The following CCDC171 variants were observed in gnomAD, a reference collection of about 807,000 sequenced individuals.
The protein encoded by CCDC171 is coiled-coil domain-containing protein 171.
CCDC171 carries 177 observed loss-of-function variants against 168.2 expected under a neutral mutation model. That is an observed-to-expected ratio of 1.05 (90% CI 0.93 to 1.19). The LOEUF is 1.19. Ranked by LOEUF, CCDC171 falls within the 50% of genes most tolerant of loss-of-function variation. CCDC171 has a pLI of 0.00. For missense variants in CCDC171, 1,991 were observed against 1,539.0 expected (o/e 1.29, Z -4.91); for synonymous variants, 687 against 540.8 (o/e 1.27, Z -3.75).
chr9:15,942,184 G>A (rs1827807601), intron 25 of CCDC171, among the ~76,000 whole-genome samples: 1 of 151,886 alleles, frequency 6.6e-6, no homozygotes, highest in South Asian at 2.1e-4. Context: ...GTGAGTAGGA[G>A]ATTGCTCTAT....
intron 23 of CCDC171, among the ~76,000 whole-genome samples, chr9:15,866,989 G>GC (rs780377302): frequency 2.0e-5 from 3 of 151,982 alleles, no homozygotes; most frequent in Non-Finnish European, 4.4e-5. Context: ...ATGGTCACCT[G>GC]CTTTGTTTAT....
chr9:15,794,535 C>G (rs2058454697), intron 21 of CCDC171, among the ~76,000 whole-genome samples: 1 of 143,110 alleles, frequency 7.0e-6, no homozygotes, highest in African/African-American at 2.6e-5. Flanking sequence ...ACAGTTTATG[C>G]ATCTATTTAG....
upstream of CCDC171, among the ~76,000 whole-genome samples, chr9:16,040,600 T>A (rs1833556939): frequency 6.6e-6 from 1 of 152,246 alleles, no homozygotes; most frequent in African/African-American, 2.4e-5. Context: ...TGTTTGCAGT[T>A]GTAAAGTGCA....
intron 6 of CCDC171, among the ~76,000 whole-genome samples, chr9:16,030,406 T>C (rs371778107): frequency 6.6e-6 from 1 of 152,236 alleles, no homozygotes; most frequent in Non-Finnish European, 1.5e-5. Flanking sequence ...TGTTTAGATA[T>C]AAAAATGTGT....
intron 24 of CCDC171, chr9:15,875,484 A>G (rs533752140): frequency 6.6e-6 from 1 of 151,984 alleles, no homozygotes; most frequent in African/African-American, 2.4e-5. Context: ...AAAGAAAACT[A>G]TCAACATTAT....
At chr9:15,948,819 T>C (rs1166256275) in intron 25 of CCDC171, among the ~76,000 whole-genome samples, 1 of 151,474 alleles carries the variant, frequency 6.6e-6, no homozygotes, top group East Asian at 1.9e-4. Flanking sequence ...AGAAGCTCTT[T>C]AGTTTAATTA....
Position 15,938,713 on chromosome 9 carries a change from A to G in CCDC171, c.3753+18291A>G, listed in dbSNP as rs560266162. 2.0e-5 allele frequency among the ~76,000 whole-genome samples: 3 copies of G among 151,958 alleles called. No homozygotes were observed. In the South Asian group the frequency reaches 6.2e-4, roughly 32 times the overall value. ...TTGGCTTAGGGCATACTTTGATAGA[A>G]TCTGAATTCAGCTTATTCTTTTGGA... On this transcript the variant is annotated intron_variant, in intron 25 of 25. Transcript: ENST00000380701.
downstream of CCDC171, among the ~76,000 whole-genome samples, chr9:16,065,809 G>GGTGTGCATGGTGTGTGTGTGT (rs373145926): frequency 2.2e-4 from 32 of 144,332 alleles, no homozygotes; most frequent in African/African-American, 7.1e-4. Context: ...TTGTGTGCAT[G>GGTGTGCATGGTGTGTGTGTGT]GTGTGTGTGT....
intron 3 of CCDC171, among the ~76,000 whole-genome samples, chr9:16,011,671 A>G (rs16933937): frequency 1.5e-4 from 23 of 152,302 alleles, no homozygotes; most frequent in Non-Finnish European, 2.9e-4. Flanking sequence ...CCATACAGTC[A>G]TTCAGCATTT....
At position 15,821,255 on chromosome 9, in the gene CCDC171, C is replaced by G. The variant is rs558451363; in HGVS notation, c.3268-25447C>G. Among the ~76,000 whole-genome samples the G allele has an allele frequency of 2.1e-4, 25 of 117,464 alleles. 9 individuals are homozygous for G. The highest frequency in any genetic ancestry group is 2.0e-3 in the Admixed American group (25 of 12,410). 77.1% of individuals were successfully genotyped at this position (117,464 alleles called of 152,430 possible). On this transcript the variant is annotated intron_variant, in intron 21 of 25. Coordinates refer to ENST00000380701, the MANE Select transcript of CCDC171 (RefSeq NM_173550.4). The stretch of plus-strand genomic sequence containing the variant: ...ATACTGAATGGACAAAAACTGGAAG[C>G]ATTCCCTTTGAAAACTGGCACAAGA...
chr9:15,597,575 A>C (rs936046020), intron 6 of CCDC171, among the ~76,000 whole-genome samples: 1 of 152,038 alleles, frequency 6.6e-6, no homozygotes, highest in African/African-American at 2.4e-5. Flanking sequence ...TTTTGCATTG[A>C]TGTTCATCAG....
intron 25 of CCDC171, among the ~76,000 whole-genome samples, chr9:15,943,859 G>A (rs530638791): frequency 2.0e-5 from 3 of 152,022 alleles, no homozygotes; most frequent in African/African-American, 7.2e-5. Flanking sequence ...TGCTCATGGG[G>A]TTTGAAAAGA....
intron 9 of CCDC171, among the ~76,000 whole-genome samples, chr9:15,676,542 A>G: frequency 6.6e-6 from 1 of 151,738 alleles, no homozygotes; most frequent in Non-Finnish European, 1.5e-5. Context: ...CGAGCTGGAC[A>G]AGTTGTTTTT....
chr9:16,090,415 AG>A, the CCDC171 span, among the ~76,000 whole-genome samples: 1 of 151,838 alleles, frequency 6.6e-6, no homozygotes, highest in Non-Finnish European at 1.5e-5. Context: ...GGGGCCTGTT[AG>A]GGGGTGGGGG....
intron 11 of CCDC171, among the ~76,000 whole-genome samples, chr9:15,711,280 C>T (rs1486548780): frequency 1.3e-5 from 2 of 152,154 alleles, no homozygotes; most frequent in East Asian, 3.8e-4. Context: ...CTCTGATTTT[C>T]TTTAAAATTG....
chr9:15,718,522 TACTC>T (rs1349476998), intron 11 of CCDC171, among the ~76,000 whole-genome samples: 1 of 152,232 alleles, frequency 6.6e-6, no homozygotes, highest in African/African-American at 2.4e-5. Flanking sequence ...TCTTGGGTGA[TACTC>T]AGTGCTGTGC....
chr9:15,862,132 A>G (rs2061586641), intron 23 of CCDC171, among the ~76,000 whole-genome samples: 1 of 151,832 alleles, frequency 6.6e-6, no homozygotes, highest in African/African-American at 2.4e-5. Context: ...CTTGTTTGTA[A>G]TGAGTCATTT....
downstream of CCDC171, among the ~76,000 whole-genome samples, chr9:16,066,328 A>G (rs1419083388): frequency 1.3e-5 from 2 of 152,190 alleles, no homozygotes; most frequent in Admixed American, 1.3e-4. Flanking sequence ...GAGCATTTAA[A>G]AATTATTGTT....
intron 1 of CCDC171, among the ~76,000 whole-genome samples, chr9:16,053,370 G>A (rs377496972): frequency 6.6e-6 from 1 of 152,218 alleles, no homozygotes; most frequent in Admixed American, 6.5e-5. Context: ...TGAGTTTTTG[G>A]TGTGGGAGGG....
Sources: allele counts gnomAD v4.1 joint callset (sites outside exome capture counted in the v4.1 genomes callset), GRCh38; gene constraint gnomAD v4.1.1; transcripts MANE v1.5; gene names NCBI Gene and HGNC (gene_info 2026-07-23, HGNC 2026-07-21).